TNFSF8: variants seen among roughly 807,000 people sequenced by gnomAD.
The protein encoded by TNFSF8 is tumor necrosis factor ligand superfamily member 8.
In TNFSF8, 4 loss-of-function variants were observed where a neutral mutation model predicts 22.0. The observed-to-expected ratio is 0.18, with a 90% CI of 0.09 to 0.42. The LOEUF is 0.42. Ranked by LOEUF, TNFSF8 falls within the 10% of genes least tolerant of loss-of-function variation. The probability of loss-of-function intolerance (pLI) is 1.00; values close to 1 mark genes in which losing one functional copy is unlikely to be tolerated. For synonymous variants in TNFSF8, 106 were observed against 112.5 expected, an observed-to-expected ratio of 0.94 and a Z score of 0.37; for missense variants, 233 against 281.8, an observed-to-expected ratio of 0.83 and a Z score of 1.24.
Position 114,916,163 on chromosome 9 carries a change from A to G in TNFSF8, c.238+1933T>C, listed in dbSNP as rs539705200. The stretch of plus-strand genomic sequence containing the variant: ...GCCAACTTAACTCCTGTCTATATCA[A>G]CTTCATGTTGTAAAAAAAGGACATT... On this transcript the variant is annotated intron_variant, in intron 2 of 3. Transcript: ENST00000223795. Among the ~76,000 whole-genome samples the G allele has an allele frequency of 1.4e-4, 21 of 152,322 alleles. No homozygotes were observed. The South Asian group carries it at 4.3e-3, about 32-fold the overall frequency.
intron 2 of TNFSF8, among the ~76,000 whole-genome samples, chr9:114,917,311 G>A (rs1827931869): frequency 6.6e-6 from 1 of 152,202 alleles, no homozygotes; most frequent in Admixed American, 6.5e-5. Flanking sequence ...TGGTGTTCTT[G>A]GGCAGAAAAG....
At position 114,903,964 on chromosome 9, in the gene TNFSF8, C is replaced by A. The variant is rs755942455; in HGVS notation, c.672G>T (p.Val224=). 6.2e-7 allele frequency: 1 copy of A among 1,613,562 alleles called. No homozygotes were observed. Among genetic ancestry groups the A allele is most frequent in the Admixed American group, 1.7e-5 (1 of 59,988 alleles). The change falls in exon 4 of 4, where the codon GTG becomes GTT. Residue 224 remains valine, a synonymous_variant. Transcript: ENST00000223795. ...IDTSTFPLEN[V]LSIFLYSNSD The stretch of plus-strand genomic sequence containing the variant: ...AATTACTGTATAAGAAGATGGACAA[C>A]ACATTCTCAAGAGGAAAGGTGCTTG...
At chr9:114,918,453 CTTTT>C (rs11322814) in intron 1 of TNFSF8, among the ~76,000 whole-genome samples, 1 of 143,030 alleles carries the variant, frequency 7.0e-6, no homozygotes. Context: ...AGAGCTGGGA[CTTTT>C]TTTTTTTTTT....
At chr9:114,921,647 C>T (rs887219164) in intron 1 of TNFSF8, among the ~76,000 whole-genome samples, 3 of 152,174 alleles carry the variant, frequency 2.0e-5, no homozygotes, top group Non-Finnish European at 4.4e-5. Flanking sequence ...AAGATGTCCC[C>T]CAGTCCTAGA....
At chr9:114,898,169 A>AT (rs1477468572), downstream of TNFSF8, among the ~76,000 whole-genome samples, 4 of 99,214 alleles carry the variant, frequency 4.0e-5, no homozygotes, top group Middle Eastern at 8.3e-3. Context: ...TGCCCAGCTA[A>AT]TTTTTTGTAT....
At chr9:114,914,651 G>T (rs7037640) in intron 2 of TNFSF8, among the ~76,000 whole-genome samples, 1 of 151,992 alleles carries the variant, frequency 6.6e-6, no homozygotes, top group Admixed American at 6.5e-5. Flanking sequence ...ATCAGATGAG[G>T]GTCCAATTGC....
chr9:114,905,818 G>A lies in TNFSF8; in HGVS notation c.310+10C>T. 6.2e-7 allele frequency: 1 copy of A among 1,605,642 alleles called. No homozygotes were observed. The highest frequency in any genetic ancestry group is 2.2e-5 in the East Asian group (1 of 44,862). On this transcript the variant is annotated intron_variant, in intron 3 of 3. Coordinates refer to ENST00000223795, the MANE Select transcript of TNFSF8 (RefSeq NM_001244.4). The stretch of plus-strand genomic sequence containing the variant: ...TCATATGTTTAGGTTTCCTGGGCTT[G>A]GTTACTGACCTTGGAGGTAGGCCCA...
rs773763508 is a variant in TNFSF8, at chr9:114,904,135, A to G, written c.501T>C (p.His167=). ...DLKLELLINK[H]IKKQALVTVC... ...CTGTCACCAGGGCCTGTTTTTTGAT[A>G]TGCTTGTTGATGAGAAGCTCCAACT... The change falls in exon 4 of 4, where the codon CAT becomes CAC. Residue 167 remains histidine, a synonymous_variant. Transcript: ENST00000223795. 1.2e-6 allele frequency: 2 copies of G among 1,614,110 alleles called. No homozygotes were observed. The highest frequency in any genetic ancestry group is 1.7e-6 in the Non-Finnish European group (2 of 1,179,986).
At chr9:114,894,076 G>T in exon 5 of TNFSF8, 1 of 1,534,652 alleles carries the variant, frequency 6.5e-7, no homozygotes. Context: ...CCAGCATCAA[G>T]GTTCAGGGTT....
intron 4 of TNFSF8, among the ~76,000 whole-genome samples, chr9:114,894,522 C>T (rs1270484649): frequency 6.6e-6 from 1 of 152,126 alleles, no homozygotes; most frequent in Non-Finnish European, 1.5e-5. Context: ...AGCTCTGGAG[C>T]CAAACTGCAG....
chr9:114,899,774 T>G (rs1827696654), downstream of TNFSF8, among the ~76,000 whole-genome samples: 1 of 152,172 alleles, frequency 6.6e-6, no homozygotes, highest in Non-Finnish European at 1.5e-5. Flanking sequence ...GAGAAGTACT[T>G]AGAAAGTATG....
intron 1 of TNFSF8, among the ~76,000 whole-genome samples, chr9:114,929,596 A>G (rs906006380): frequency 6.6e-6 from 1 of 152,112 alleles, no homozygotes; most frequent in African/African-American, 2.4e-5. Flanking sequence ...CAGGACACTC[A>G]GACTTAGGAT....
In TNFSF8 at chr9:114,903,472, T is replaced by C. The variant is rs3181370; in HGVS notation, c.*459A>G. The C allele has an allele frequency of 0.36, 56,913 of 156,670 alleles. 10,877 individuals are homozygous for C. The highest frequency in any genetic ancestry group is 0.45 in the Admixed American group (7,041 of 15,558). 9.7% of individuals were successfully genotyped at this position (156,670 alleles called of 1,614,324 possible). On this transcript the variant is annotated 3_prime_UTR_variant, in exon 4 of 4. Transcript: ENST00000223795. The stretch of plus-strand genomic sequence containing the variant: ...CTTGATCGCGACTTGGACAACTAAG[T>C]ATTAGGCCATCTGCAGATAAAAGAA...
At chr9:114,915,421 G>A (rs759410995) in intron 2 of TNFSF8, among the ~76,000 whole-genome samples, 7 of 152,144 alleles carry the variant, frequency 4.6e-5, no homozygotes, top group Non-Finnish European at 4.4e-5. Context: ...TGGAGCCCAG[G>A]AATATTTTTT....
intron 1 of TNFSF8, among the ~76,000 whole-genome samples, chr9:114,918,943 T>C (rs1385865111): frequency 6.6e-6 from 1 of 152,064 alleles, no homozygotes; most frequent in Non-Finnish European, 1.5e-5. Flanking sequence ...CCCCCCTCCA[T>C]ATGTTTGGGT....
At chr9:114,895,685 C>G (rs1482529018) in intron 4 of TNFSF8, among the ~76,000 whole-genome samples, 2 of 152,196 alleles carry the variant, frequency 1.3e-5, no homozygotes, top group African/African-American at 4.8e-5. Flanking sequence ...CATTGTACAG[C>G]TGAGAAAATT....
chr9:114,911,244 A>T (rs999924941), intron 2 of TNFSF8, among the ~76,000 whole-genome samples: 5 of 152,232 alleles, frequency 3.3e-5, no homozygotes, highest in African/African-American at 1.2e-4. Flanking sequence ...GCTTCCAGGA[A>T]TGTGTGCTGA....
At chr9:114,907,788 T>C (rs116342283) in intron 2 of TNFSF8, among the ~76,000 whole-genome samples, 185 of 152,376 alleles carry the variant, frequency 1.2e-3, no homozygotes, top group African/African-American at 4.3e-3. Context: ...CATTATTTCA[T>C]TTAATTCTCA....
intron 1 of TNFSF8, among the ~76,000 whole-genome samples, chr9:114,922,524 T>A (rs1251984269): frequency 6.6e-6 from 1 of 152,204 alleles, no homozygotes; most frequent in Non-Finnish European, 1.5e-5. Flanking sequence ...GAGAAGTGAT[T>A]TCATAATGTG....
Sources: gnomAD v4.1 joint callset for allele counts (sites outside exome capture counted in the v4.1 genomes callset) on GRCh38, gnomAD v4.1.1 for gene constraint, MANE v1.5 for transcripts, NCBI Gene and HGNC (gene_info 2026-07-23, HGNC 2026-07-21) for gene names.